Variants in DPEP1 observed in about 807,000 individuals in gnomAD.
DPEP1 encodes the protein beta-lactamase.
DPEP1 carries 50 observed loss-of-function variants against 42.3 expected under a neutral mutation model. The ratio of observed to expected loss-of-function variants is 1.18; its 90% CI spans 0.94 to 1.50. The LOEUF (loss-of-function observed/expected upper bound fraction) is 1.50, where lower values mean the gene tolerates loss of function less well. Ranked by LOEUF, DPEP1 falls within the 40% of genes most tolerant of loss-of-function variation. DPEP1 has a pLI of 0.00. For missense variants in DPEP1, 663 were observed against 553.0 expected (o/e 1.20, Z -1.99); for synonymous variants, 297 against 234.0 (o/e 1.27, Z -2.46).
At position 89,638,004 on chromosome 16, in the gene DPEP1, A is replaced by G. The variant is rs199520457; in HGVS notation, c.1065+33A>G. ...TGGGGTGGCCACCTGAGTCTCCCCC[A>G]CCACCACCAGCAGGCAGGCTGCCCC... On this transcript the variant is annotated intron_variant, in intron 10 of 10. Coordinates refer to ENST00000690203, the MANE Select transcript of DPEP1 (RefSeq NM_001389466.1). 32 of 1,607,936 alleles carry G rather than the reference A, an allele frequency of 2.0e-5. No homozygotes were observed. The African/African-American group carries it at 2.3e-4, about 11-fold the overall frequency.
At chr16:89,641,291 G>A (rs895731645), downstream of DPEP1, among the ~76,000 whole-genome samples, 4 of 152,022 alleles carry the variant, frequency 2.6e-5, no homozygotes, top group Non-Finnish European at 2.9e-5. Context: ...ACGCGCCCCC[G>A]GGGAAAGGGA....
At chr16:89,622,676 T>C (rs902561272) in intron 1 of DPEP1, among the ~76,000 whole-genome samples, 10 of 150,412 alleles carry the variant, frequency 6.6e-5, no homozygotes, top group South Asian at 2.1e-4. Context: ...CCCAGCTACT[T>C]GGGAGGCTGA....
chr16:89,613,422 T>A (rs1597734755), upstream of DPEP1: 3 of 152,284 alleles, frequency 2.0e-5, no homozygotes, highest in Non-Finnish European at 4.4e-5. Flanking sequence ...CGCAGAGCCA[T>A]CTCCTGGAGC....
downstream of DPEP1, among the ~76,000 whole-genome samples, chr16:89,639,236 C>T (rs1416694788): frequency 2.9e-4 from 14 of 48,248 alleles, no homozygotes; most frequent in African/African-American, 1.3e-3. Context: ...CACCCCTGCA[C>T]GCACACACCG....
chr16:89,637,836 G>A lies in DPEP1; in HGVS notation c.930G>A (p.Arg310=). 1 of 1,612,740 alleles carries A rather than the reference G, an allele frequency of 6.2e-7. No homozygotes were observed. Among genetic ancestry groups the A allele is most frequent in the Non-Finnish European group, 8.5e-7 (1 of 1,179,904 alleles). ...CCAGGTTCTCCTGGCCTCAACACAG[G>A]GTCCCTGAGGGGCTGGAGGACGTCT... The part of the protein sequence containing the change: ...GFGGDFDGVP[R]VPEGLEDVSK... The change falls in exon 10 of 11, where the codon AGG becomes AGA. Residue 310 remains arginine (R), a splice_region_variant and synonymous_variant. Transcript: ENST00000690203.
chr16:89,618,966 C>CCTGCCCCCCCGCTCCCCTCCCTGCAGCT (rs2059411762), intron 1 of DPEP1, among the ~76,000 whole-genome samples: 1 of 15,554 alleles, frequency 6.4e-5, no homozygotes, highest in African/African-American at 2.2e-4. Context: ...CCCTGCAGCC[C>CCTGCCCCCCCGCTCCCCTCCCTGCAGCT]CCCTGCCCCC....
chr16:89,632,492 A>C (rs973966012), intron 2 of DPEP1, among the ~76,000 whole-genome samples: 1 of 152,156 alleles, frequency 6.6e-6, no homozygotes, highest in Non-Finnish European at 1.5e-5. Context: ...TCACAAAGGA[A>C]AAGGAGGAGA....
downstream of DPEP1, among the ~76,000 whole-genome samples, chr16:89,639,539 GCACA>G (rs138748998): frequency 5.4e-4 from 47 of 86,488 alleles, no homozygotes; most frequent in Middle Eastern, 8.2e-3. Context: ...CCCCACCTCT[GCACA>G]CACACACACC....
At chr16:89,626,538 T>TG (rs1289705700) in intron 1 of DPEP1, 3 of 152,174 alleles carry the variant, frequency 2.0e-5, no homozygotes, top group Non-Finnish European at 4.4e-5. Context: ...TTAGTAGAGA[T>TG]GGGGTTTCTC....
chr16:89,628,077 C>T (rs1292381285), intron 1 of DPEP1, among the ~76,000 whole-genome samples: 1 of 152,036 alleles, frequency 6.6e-6, no homozygotes, highest in Non-Finnish European at 1.5e-5. Flanking sequence ...CACCCGCCAC[C>T]ATGCCCGGCT....
At chr16:89,637,136 C>G in intron 6 of DPEP1, 68 bp from the exon 7 acceptor site, 1 of 1,566,462 alleles carries the variant, frequency 6.4e-7, no homozygotes, top group Admixed American at 1.8e-5. Flanking sequence ...CACATCTGGT[C>G]CAGCCCGTCC....
In DPEP1 at chr16:89,638,045, T is replaced by C; in HGVS notation, c.1066-7T>C. Reference sequence around the variant, plus strand: ...AGGCTGCCCCACCCGTGTCTGTCTGTCCCCAGGCCAGCAACCTCACACAGG... The same window carrying C: ...AGGCTGCCCCACCCGTGTCTGTCTGCCCCCAGGCCAGCAACCTCACACAGG... On this transcript the variant is annotated splice_region_variant and splice_polypyrimidine_tract_variant and intron_variant, in intron 10 of 10. Transcript: ENST00000690203. The C allele has an allele frequency of 6.2e-7, 1 of 1,611,750 alleles. No homozygotes were observed. Among genetic ancestry groups the C allele is most frequent in the South Asian group, 1.1e-5 (1 of 90,962 alleles).
At position 89,636,866 on chromosome 16, in the gene DPEP1, G is replaced by C. The variant is rs2059687613; in HGVS notation, c.522G>C (p.Trp174Cys). The change falls in exon 6 of 11, where the codon TGG (tryptophan) becomes TGC (cysteine). Residue 174 changes from tryptophan to cysteine, a missense_variant and splice_region_variant. Transcript: ENST00000690203. ...GGGCACCTGCCTTTTGCTTCTCCAG[G>C]GCTGACAACTGGCTGGTGGACACGG... ...LTLTHSCNTP[W>C]ADNWLVDTGD... 5.0e-6 allele frequency: 8 copies of C among 1,612,400 alleles called. No individual in the cohort carries two copies. Among genetic ancestry groups the C allele is most frequent in the Non-Finnish European group, 6.8e-6 (8 of 1,179,932 alleles).
chr16:89,626,942 ACTGT>A (rs2059521161), intron 1 of DPEP1, among the ~76,000 whole-genome samples: 2 of 151,240 alleles, frequency 1.3e-5, no homozygotes, highest in South Asian at 2.1e-4. Context: ...ACATGGTGAA[ACTGT>A]CTGTAGTAAA....
intron 1 of DPEP1, among the ~76,000 whole-genome samples, chr16:89,624,592 T>C (rs1309279164): frequency 2.0e-5 from 3 of 151,836 alleles, no homozygotes; most frequent in African/African-American, 7.3e-5. Flanking sequence ...TGGAGTGCAG[T>C]GGCGCCATCT....
downstream of DPEP1, among the ~76,000 whole-genome samples, chr16:89,640,801 A>C (rs1171138473): frequency 2.0e-5 from 3 of 152,110 alleles, no homozygotes; most frequent in African/African-American, 4.8e-5. Flanking sequence ...CGATCATAGA[A>C]ATAAAGACAC....
At chr16:89,636,207 C>T (rs1272291234) in intron 3 of DPEP1, 57 bp from the exon 4 acceptor site, 60 of 1,569,670 alleles carry the variant, frequency 3.8e-5, no homozygotes, top group Admixed American at 7.4e-5. Context: ...CACAGGCATG[C>T]GGGGGGTGGG....
intron 1 of DPEP1, among the ~76,000 whole-genome samples, chr16:89,621,405 G>T (rs1156812974): frequency 1.3e-5 from 2 of 152,166 alleles, no homozygotes; most frequent in Non-Finnish European, 2.9e-5. Context: ...CGGCCTTACG[G>T]CTGGGCCTGC....
At chr16:89,633,740 C>G (rs907544379) in intron 2 of DPEP1, among the ~76,000 whole-genome samples, 47 of 151,926 alleles carry the variant, frequency 3.1e-4, no homozygotes, top group Non-Finnish European at 6.2e-4. Flanking sequence ...GGGAGCTGTC[C>G]TCCAAGGAAG....
Sources: allele counts gnomAD v4.1 joint callset (sites outside exome capture counted in the v4.1 genomes callset), GRCh38; gene constraint gnomAD v4.1.1; transcripts MANE v1.5; gene names NCBI Gene and HGNC (gene_info 2026-07-23, HGNC 2026-07-21).